The following GSG1L variants were observed in gnomAD, a reference collection of about 807,000 sequenced individuals.
GSG1L encodes germ cell-specific gene 1-like protein.
Under a neutral mutation model 42.1 loss-of-function variants are expected in GSG1L, and 24 were observed. The ratio of observed to expected loss-of-function variants is 0.57; its 90% CI spans 0.41 to 0.80. GSG1L has a LOEUF of 0.80. Ranked by LOEUF, GSG1L falls within the 30% of genes least tolerant of loss-of-function variation. The pLI is 0.00. For missense variants in GSG1L, 445 were observed against 472.2 expected, an observed-to-expected ratio of 0.94 and a Z score of 0.53; for synonymous variants, 215 against 203.5, an observed-to-expected ratio of 1.06 and a Z score of -0.48.
At chr16:27,827,441 C>A (rs535111970) in intron 5 of GSG1L, among the ~76,000 whole-genome samples, 1 of 152,218 alleles carries the variant, frequency 6.6e-6, no homozygotes, top group East Asian at 1.9e-4. Context: ...TTAAAGAGGG[C>A]AGCAGACCCT....
chr16:27,902,398 G>A (rs1405694040), intron 2 of GSG1L, among the ~76,000 whole-genome samples: 1 of 152,174 alleles, frequency 6.6e-6, no homozygotes, highest in Non-Finnish European at 1.5e-5. Flanking sequence ...AACCCCTCTG[G>A]TGACATTTGT....
intron 5 of GSG1L, among the ~76,000 whole-genome samples, chr16:27,818,617 G>A (rs187106785): frequency 6.0e-4 from 91 of 152,172 alleles, no homozygotes; most frequent in African/African-American, 1.9e-3. Flanking sequence ...AGAAACAGTC[G>A]CAGAGGACAA....
chr16:27,933,508 G>C (rs937958096), intron 2 of GSG1L, among the ~76,000 whole-genome samples: 3 of 151,948 alleles, frequency 2.0e-5, no homozygotes, highest in African/African-American at 4.8e-5. Flanking sequence ...AGTTAGCCAG[G>C]AGCAGTGGCT....
At chr16:27,892,195 C>G (rs764907906) in intron 2 of GSG1L, among the ~76,000 whole-genome samples, 1 of 152,128 alleles carries the variant, frequency 6.6e-6, no homozygotes, top group Non-Finnish European at 1.5e-5. Context: ...TAGCTCAAGC[C>G]TCTAATCCCA....
intron 1 of GSG1L, among the ~76,000 whole-genome samples, chr16:28,029,865 A>G (rs1368835697): frequency 1.3e-5 from 2 of 152,188 alleles, no homozygotes; most frequent in African/African-American, 4.8e-5. Context: ...CTACAAGGAT[A>G]GCGTGTGTGT....
At chr16:27,994,145 G>T (rs1235033623) in intron 1 of GSG1L, among the ~76,000 whole-genome samples, 1 of 152,180 alleles carries the variant, frequency 6.6e-6, no homozygotes, top group Non-Finnish European at 1.5e-5. Flanking sequence ...TGATACCACA[G>T]GAGAGGCTGC....
intron 1 of GSG1L, among the ~76,000 whole-genome samples, chr16:28,049,505 A>AC (rs893402199): frequency 6.7e-6 from 1 of 149,604 alleles, no homozygotes; most frequent in African/African-American, 2.5e-5. Context: ...ACATAGCAAG[A>AC]CCCCACCTCT....
At chr16:27,793,426 G>A (rs549350233) in intron 6 of GSG1L, among the ~76,000 whole-genome samples, 51 of 152,286 alleles carry the variant, frequency 3.3e-4, no homozygotes, top group Middle Eastern at 3.4e-3. Context: ...TTTGGCCTCA[G>A]TCATGGAAAC....
chr16:27,851,352 A>G (rs2083512843), intron 3 of GSG1L, among the ~76,000 whole-genome samples: 1 of 152,218 alleles, frequency 6.6e-6, no homozygotes, highest in Non-Finnish European at 1.5e-5. Context: ...AAGTGCTGCC[A>G]TGCCTGGCTG....
At chr16:27,919,563 C>G (rs1359451924) in intron 2 of GSG1L, among the ~76,000 whole-genome samples, 1 of 152,152 alleles carries the variant, frequency 6.6e-6, no homozygotes, top group Non-Finnish European at 1.5e-5. Context: ...TCCATTTTTT[C>G]AGCAAATGCA....
chr16:27,882,421 G>A lies in GSG1L; in HGVS notation c.550+2065C>T, dbSNP rs187308303. 5.4e-4 allele frequency among the ~76,000 whole-genome samples: 80 copies of A among 148,694 alleles called. 1 individual carries two copies. The highest frequency in any genetic ancestry group is 8.5e-4 in the Non-Finnish European group (57 of 67,142). ...GCCCCTTGCTCCACACTCTTCAGTGGCTCCCTATTGCCTATATGGTAAAAT... is the reference window on the plus strand; with the variant it reads ...GCCCCTTGCTCCACACTCTTCAGTGACTCCCTATTGCCTATATGGTAAAAT... On this transcript the variant is annotated intron_variant, in intron 3 of 6. Transcript: ENST00000447459.
chr16:27,889,946 ACT>A (rs1254203139), intron 2 of GSG1L, among the ~76,000 whole-genome samples: 2 of 152,058 alleles, frequency 1.3e-5, no homozygotes, highest in African/African-American at 4.8e-5. Flanking sequence ...AGACAACAAA[ACT>A]CAGCTTCTGA....
At chr16:27,865,346 T>C (rs988525539) in intron 3 of GSG1L, among the ~76,000 whole-genome samples, 3 of 151,678 alleles carry the variant, frequency 2.0e-5, no homozygotes, top group African/African-American at 4.8e-5. Flanking sequence ...CTGGTCACCT[T>C]GGGAAGTGTC....
intron 5 of GSG1L, among the ~76,000 whole-genome samples, chr16:27,819,077 G>A (rs1443909953): frequency 4.6e-5 from 7 of 152,124 alleles, no homozygotes. Flanking sequence ...GTGAAACCCC[G>A]TCTCTACTAA....
intron 1 of GSG1L, among the ~76,000 whole-genome samples, chr16:28,020,274 G>A (rs979604206): frequency 6.6e-5 from 10 of 152,072 alleles, no homozygotes; most frequent in Admixed American, 1.3e-4. Flanking sequence ...CAGTTCTGGC[G>A]GCTACTCCAA....
chr16:27,831,144 A>G (rs946950294), intron 4 of GSG1L, among the ~76,000 whole-genome samples: 2 of 152,200 alleles, frequency 1.3e-5, no homozygotes, highest in African/African-American at 2.4e-5. Flanking sequence ...AACAAAGCTC[A>G]TCTTTCTTCT....
chr16:28,049,904 T>C (rs2086204208), intron 1 of GSG1L, among the ~76,000 whole-genome samples: 1 of 152,188 alleles, frequency 6.6e-6, no homozygotes, highest in South Asian at 2.1e-4. Context: ...TGACTCTGTT[T>C]CATGGAATTC....
chr16:27,920,261 G>C (rs1398876136), intron 2 of GSG1L, among the ~76,000 whole-genome samples: 1 of 152,218 alleles, frequency 6.6e-6, no homozygotes, highest in East Asian at 1.9e-4. Context: ...TGTGCCTACT[G>C]TATCTTTGCT....
chr16:27,894,682 G>A (rs553313556), intron 2 of GSG1L, among the ~76,000 whole-genome samples: 46 of 152,298 alleles, frequency 3.0e-4, no homozygotes, highest in African/African-American at 1.0e-3. Context: ...GGGATGTACC[G>A]GCGCTGGGAG....
Sources: allele counts gnomAD v4.1 joint callset (sites outside exome capture counted in the v4.1 genomes callset), GRCh38; gene constraint gnomAD v4.1.1; transcripts MANE v1.5; gene names NCBI Gene and HGNC (gene_info 2026-07-23, HGNC 2026-07-21).